The following DPY19L2 variants were observed in gnomAD, a reference collection of about 807,000 sequenced individuals.
DPY19L2 encodes the protein probable C-mannosyltransferase DPY19L2.
Under a neutral mutation model 97.9 loss-of-function variants are expected in DPY19L2, and 34 were observed. The observed-to-expected ratio is 0.35, with a 90% confidence interval of 0.26 to 0.46. The LOEUF (loss-of-function observed/expected upper bound fraction) is 0.46. Among genes scored for constraint, DPY19L2 ranks in the 20% least tolerant of loss-of-function variants. The pLI is 1.00. For missense variants in DPY19L2, 623 were observed against 911.4 expected (o/e 0.68, Z 4.07); for synonymous variants, 230 against 307.9 (o/e 0.75, Z 2.65).
At chr12:63,634,354 G>C (rs1340645702) in intron 6 of DPY19L2, among the ~76,000 whole-genome samples, 1 of 152,140 alleles carries the variant, frequency 6.6e-6, no homozygotes, top group Non-Finnish European at 1.5e-5. Context: ...AATAGGAACA[G>C]CTCCAGTCTA....
intron 6 of DPY19L2, among the ~76,000 whole-genome samples, chr12:63,642,499 G>A (rs1454013147): frequency 6.6e-6 from 1 of 151,950 alleles, no homozygotes; most frequent in Non-Finnish European, 1.5e-5. Flanking sequence ...TACTTATATA[G>A]TTCCAGTATC....
intron 11 of DPY19L2, among the ~76,000 whole-genome samples, chr12:63,609,656 T>C (rs1320423143): frequency 1.3e-5 from 2 of 152,122 alleles, no homozygotes; most frequent in Non-Finnish European, 2.9e-5. Flanking sequence ...GTTTAAGCCA[T>C]CCTGTCTGTG....
At chr12:63,581,765 G>T (rs1028347139) in intron 18 of DPY19L2, among the ~76,000 whole-genome samples, 1 of 149,262 alleles carries the variant, frequency 6.7e-6, no homozygotes, top group Non-Finnish European at 1.5e-5. Flanking sequence ...TTTCAGGTGT[G>T]AGCCACTGTG....
upstream of DPY19L2, chr12:63,668,580 G>C (rs941055340): frequency 1.6e-5 from 10 of 636,030 alleles, no homozygotes; most frequent in Non-Finnish European, 2.7e-5. Context: ...CCATTCGCGC[G>C]GGCAGTCCCT....
intron 8 of DPY19L2, among the ~76,000 whole-genome samples, chr12:63,621,579 T>C (rs1183801726): frequency 2.6e-5 from 4 of 152,174 alleles, no homozygotes; most frequent in African/African-American, 7.2e-5. Context: ...ATATTTTAAA[T>C]ACAAAAGCTC....
At chr12:63,595,017 C>T (rs1225054626) in intron 15 of DPY19L2, among the ~76,000 whole-genome samples, 1 of 152,156 alleles carries the variant, frequency 6.6e-6, no homozygotes, top group African/African-American at 2.4e-5. Flanking sequence ...CTGACTCTTC[C>T]CACGTGGTCT....
Position 63,608,662 on chromosome 12 carries a change from T to C in DPY19L2, c.1232A>G (p.Lys411Arg). Residue 411 changes from lysine to arginine, a missense_variant, in exon 12 of 22, where the codon AAG becomes AGG. Around this residue, in one of 6 missense-constraint regions of DPY19L2, gnomAD observed 294 missense variants for 446.2 expected, o/e 0.66. Coordinates refer to ENST00000324472, the MANE Select transcript of DPY19L2 (RefSeq NM_173812.5). ...TCCCAGTTTTTGAATTTCATTTCTCTTTAGAATTATTGCCTAAAATGCACA... is the reference window on the plus strand; with the variant it reads ...TCCCAGTTTTTGAATTTCATTTCTCCTTAGAATTATTGCCTAAAATGCACA... ...SLLMTWAIILKRNEIQKLGVS... is the reference protein window; with the variant it reads ...SLLMTWAIILRRNEIQKLGVS... 1.0e-5 allele frequency: 15 copies of C among 1,460,388 alleles called. No homozygotes were observed. Among genetic ancestry groups the C allele is most frequent in the Non-Finnish European group, 1.3e-5 (14 of 1,064,186 alleles). The allele number at this position is 1,460,388 out of a possible 1,614,324, so 90.5% of individuals were successfully genotyped here.
intron 12 of DPY19L2, among the ~76,000 whole-genome samples, chr12:63,601,588 C>T (rs557918680): frequency 6.6e-6 from 1 of 152,058 alleles, no homozygotes; most frequent in African/African-American, 2.4e-5. Context: ...AGGGGAGACC[C>T]ATAAAAGGAT....
chr12:63,657,464 CAGTCTT>C (rs1895114561), intron 4 of DPY19L2, among the ~76,000 whole-genome samples: 1 of 152,142 alleles, frequency 6.6e-6, no homozygotes, highest in African/African-American at 2.4e-5. Flanking sequence ...AATTAAGCCT[CAGTCTT>C]AGACAGGTAC....
chr12:63,620,993 C>G (rs1281951887), intron 9 of DPY19L2, among the ~76,000 whole-genome samples: 1 of 151,600 alleles, frequency 6.6e-6, no homozygotes. Context: ...TAAGTGGGAG[C>G]TGAACAATGA....
At chr12:63,565,525 G>A (rs1877497705) in intron 21 of DPY19L2, among the ~76,000 whole-genome samples, 1 of 152,082 alleles carries the variant, frequency 6.6e-6, no homozygotes. Flanking sequence ...TGGATAATAA[G>A]GATAATCTCC....
intron 6 of DPY19L2, among the ~76,000 whole-genome samples, chr12:63,629,951 A>G (rs1335723117): frequency 1.3e-5 from 2 of 152,200 alleles, no homozygotes; most frequent in East Asian, 1.9e-4. Flanking sequence ...CCAGAACTTC[A>G]TATCCAGCCA....
At chr12:63,571,209 G>A (rs143734265) in intron 19 of DPY19L2, among the ~76,000 whole-genome samples, 190 of 152,200 alleles carry the variant, frequency 1.2e-3, no homozygotes, top group African/African-American at 3.9e-3. Flanking sequence ...ATGGTCTGAG[G>A]TGGAACAATG....
At chr12:63,639,853 A>G (rs1892397116) in intron 6 of DPY19L2, among the ~76,000 whole-genome samples, 2 of 152,202 alleles carry the variant, frequency 1.3e-5, no homozygotes, top group Non-Finnish European at 2.9e-5. Flanking sequence ...ATTACTGGGT[A>G]TATACCCAAA....
rs56044043 is a variant in DPY19L2, at chr12:63,610,841, CAAAAAAAAAAAAAAAAA to C, written c.1219-2183_1219-2167del. On this transcript the variant is annotated intron_variant, in intron 11 of 21. Coordinates refer to ENST00000324472, the MANE Select transcript of DPY19L2 (RefSeq NM_173812.5). ...AGGCCAGTACCTCTGATGAATATAG[CAAAAAAAAAAAAAAAAA>C]AAAAAAAAAAAAAAAAACCACACAC... Among the ~76,000 whole-genome samples, 75 of 10,784 alleles carry C rather than the reference CAAAAAAAAAAAAAAAAA, an allele frequency of 7.0e-3. 1 individual carries two copies. Among genetic ancestry groups the C allele is most frequent in the Non-Finnish European group, 0.011 (53 of 4,766 alleles). The allele number at this position is 10,784 out of a possible 152,430, so 7.1% of individuals were successfully genotyped here.
At chr12:63,575,923 A>G (rs1225636653) in intron 19 of DPY19L2, among the ~76,000 whole-genome samples, 1 of 152,046 alleles carries the variant, frequency 6.6e-6, no homozygotes, top group East Asian at 1.9e-4. Flanking sequence ...GGAAGAGGGA[A>G]TACTTCCAAA....
At chr12:63,627,828 G>GTTCATTACTATATCCCCAGA (rs1365216519) in intron 6 of DPY19L2, among the ~76,000 whole-genome samples, 8 of 152,082 alleles carry the variant, frequency 5.3e-5, no homozygotes, top group Non-Finnish European at 7.4e-5. Flanking sequence ...TATCTGTCTT[G>GTTCATTACTATATCCCCAGA]TTCATTACTA....
At chr12:63,591,988 AGGGAAGGGAG>A (rs752909462) in intron 16 of DPY19L2, among the ~76,000 whole-genome samples, 2,936 of 35,718 alleles carry the variant, frequency 0.082, 653 homozygotes, top group African/African-American at 0.098. Context: ...GGGGAAGGGA[AGGGAAGGGAG>A]GGGAAGGGAG....
intron 6 of DPY19L2, among the ~76,000 whole-genome samples, chr12:63,630,070 G>T (rs1418329237): frequency 6.6e-6 from 1 of 152,094 alleles, no homozygotes; most frequent in Non-Finnish European, 1.5e-5. Flanking sequence ...AAGGAAGCAT[G>T]AAATATGGAA....
Sources: allele counts gnomAD v4.1 joint callset (sites outside exome capture counted in the v4.1 genomes callset), GRCh38; gene constraint gnomAD v4.1.1; regional missense constraint gnomAD v4.1.1; transcripts MANE v1.5; gene names NCBI Gene and HGNC (gene_info 2026-07-23, HGNC 2026-07-21).